Variants in CAST observed in about 807,000 individuals in gnomAD.
The protein encoded by CAST is MIR583 host.
CAST carries 76 observed loss-of-function variants against 119.6 expected under a neutral mutation model. That is an observed-to-expected ratio of 0.64 (90% CI 0.53 to 0.77). The LOEUF is 0.77. Among genes scored for constraint, CAST ranks in the 30% least tolerant of loss-of-function variants. The pLI is 0.00. For missense variants in CAST, 953 were observed against 946.5 expected, an observed-to-expected ratio of 1.01 and a Z score of -0.09; for synonymous variants, 319 against 331.6, an observed-to-expected ratio of 0.96 and a Z score of 0.41.
intron 3 of CAST, among the ~76,000 whole-genome samples, chr5:96,706,092 G>A (rs1310434918): frequency 6.6e-6 from 1 of 152,088 alleles, no homozygotes; most frequent in Admixed American, 6.5e-5. Context: ...TATTGGATTG[G>A]AAAAAAGATT....
At chr5:96,108,291 A>G in the CAST span, among the ~76,000 whole-genome samples, 1 of 152,108 alleles carries the variant, frequency 6.6e-6, no homozygotes, top group Non-Finnish European at 1.5e-5. Flanking sequence ...TTGGAGGAGG[A>G]GAGGCCCTCT....
intron 3 of CAST, among the ~76,000 whole-genome samples, chr5:96,707,930 G>T (rs1001319895): frequency 1.3e-5 from 2 of 152,164 alleles, no homozygotes; most frequent in Middle Eastern, 3.4e-3. Flanking sequence ...TGCACATACT[G>T]TTTCCTTATT....
At chr5:96,100,922 GTA>G in the CAST span, among the ~76,000 whole-genome samples, 1 of 151,844 alleles carries the variant, frequency 6.6e-6, no homozygotes, top group East Asian at 1.9e-4. Flanking sequence ...GTGTGTGTGT[GTA>G]TATATATATG....
At chr5:96,325,234 G>T in the CAST span, among the ~76,000 whole-genome samples, 1 of 151,970 alleles carries the variant, frequency 6.6e-6, no homozygotes, top group Non-Finnish European at 1.5e-5. Flanking sequence ...TGGTTGATTG[G>T]TAGGAAACTA....
intron 1 of CAST, chr5:96,546,663 T>G (rs1305909246): frequency 6.6e-6 from 1 of 152,208 alleles, no homozygotes; most frequent in African/African-American, 2.4e-5. Flanking sequence ...ACTTCAAGTA[T>G]CATTGGATCT....
chr5:96,547,582 C>T (rs1202004125), intron 1 of CAST, among the ~76,000 whole-genome samples: 2 of 152,214 alleles, frequency 1.3e-5, no homozygotes, highest in African/African-American at 4.8e-5. Context: ...TGGAAACACC[C>T]TCACAGACAC....
At chr5:96,427,574 A>G in the CAST span, among the ~76,000 whole-genome samples, 3 of 151,136 alleles carry the variant, frequency 2.0e-5, no homozygotes, top group Non-Finnish European at 4.5e-5. Flanking sequence ...ATTTTTTCAT[A>G]ATGTCTTGAG....
chr5:96,248,066 A>T, the CAST span: 1 of 152,236 alleles, frequency 6.6e-6, no homozygotes, highest in Admixed American at 6.5e-5. Context: ...GAAGGGCTTC[A>T]TCTTGGCTTT....
At chr5:95,998,961 A>G in the CAST span, among the ~76,000 whole-genome samples, 1 of 152,148 alleles carries the variant, frequency 6.6e-6, no homozygotes, top group African/African-American at 2.4e-5. Flanking sequence ...ATAAGATGGT[A>G]TCTCGTTGTG....
chr5:96,684,139 C>T (rs1751772211), intron 2 of CAST, among the ~76,000 whole-genome samples: 1 of 152,192 alleles, frequency 6.6e-6, no homozygotes, highest in African/African-American at 2.4e-5. Flanking sequence ...GTTACTTTGC[C>T]TCACTAAGGG....
intron 20 of CAST, 122 bp downstream of exon 20, chr5:96,750,804 TATC>T (rs1764881477): frequency 1.8e-6 from 1 of 563,534 alleles, no homozygotes; most frequent in African/African-American, 1.9e-5. Flanking sequence ...TAAAATCTGA[TATC>T]ATTATAGTAT....
At chr5:96,406,580 C>T in the CAST span, among the ~76,000 whole-genome samples, 2 of 152,174 alleles carry the variant, frequency 1.3e-5, no homozygotes, top group Non-Finnish European at 1.5e-5. Context: ...CAGGAATATA[C>T]CCCATCTCCA....
At chr5:96,402,700 T>C in the CAST span, among the ~76,000 whole-genome samples, 1 of 152,244 alleles carries the variant, frequency 6.6e-6, no homozygotes, top group Admixed American at 6.5e-5. Context: ...TAGCAGTAAG[T>C]GACTAAAGGC....
At chr5:96,319,627 A>AG in the CAST span, among the ~76,000 whole-genome samples, 1 of 152,206 alleles carries the variant, frequency 6.6e-6, no homozygotes, top group Admixed American at 6.5e-5. Flanking sequence ...AAACAATGTG[A>AG]GATGAGCTGA....
the CAST span, among the ~76,000 whole-genome samples, chr5:95,962,859 G>C: frequency 1.3e-5 from 2 of 152,138 alleles, no homozygotes; most frequent in Non-Finnish European, 2.9e-5. Flanking sequence ...ACCTAGCTAG[G>C]GTTTAAAGGT....
At chr5:96,419,825 T>C in the CAST span, among the ~76,000 whole-genome samples, 4 of 152,164 alleles carry the variant, frequency 2.6e-5, no homozygotes, top group Non-Finnish European at 5.9e-5. Context: ...TTATAAATGC[T>C]GTGCTGTGAG....
the CAST span, among the ~76,000 whole-genome samples, chr5:96,280,680 G>A: frequency 3.3e-5 from 5 of 152,104 alleles, no homozygotes; most frequent in Non-Finnish European, 7.4e-5. Flanking sequence ...TAATGTATGT[G>A]AAAATACTTC....
At chr5:96,089,073 T>C in the CAST span, among the ~76,000 whole-genome samples, 1 of 151,456 alleles carries the variant, frequency 6.6e-6, no homozygotes, top group Non-Finnish European at 1.5e-5. Context: ...AATCTTTTTT[T>C]TTTTTTTTTT....
chr5:96,548,705 C>T (rs1746064079), intron 1 of CAST, among the ~76,000 whole-genome samples: 1 of 152,222 alleles, frequency 6.6e-6, no homozygotes, highest in Admixed American at 6.5e-5. Flanking sequence ...GTACTCTTCT[C>T]TCTAGTTTAT....
Sources: allele counts gnomAD v4.1 joint callset (sites outside exome capture counted in the v4.1 genomes callset), GRCh38; gene constraint gnomAD v4.1.1; transcripts MANE v1.5; gene names NCBI Gene and HGNC (gene_info 2026-07-23, HGNC 2026-07-21).